The following JAZF1 variants were observed in gnomAD, a reference collection of about 807,000 sequenced individuals.
The protein encoded by JAZF1 is juxtaposed with another zinc finger protein 1.
In JAZF1, 8 loss-of-function variants were observed where a neutral mutation model predicts 26.4. The ratio of observed to expected loss-of-function variants is 0.30; its 90% CI spans 0.18 to 0.55. The LOEUF (loss-of-function observed/expected upper bound fraction) is 0.55, where lower values mean the gene tolerates loss of function less well. Among genes scored for constraint, JAZF1 ranks in the 20% least tolerant of loss-of-function variants. The pLI, the probability that JAZF1 is intolerant of heterozygous loss-of-function variation, is 0.94. For missense variants in JAZF1, 199 were observed against 322.0 expected (o/e 0.62, Z 2.92); for synonymous variants, 126 against 122.3 (o/e 1.03, Z -0.20).
chr7:28,038,454 T>C (rs1349130425), intron 1 of JAZF1, among the ~76,000 whole-genome samples: 1 of 152,196 alleles, frequency 6.6e-6, no homozygotes, highest in African/African-American at 2.4e-5. Context: ...GAAGACAAGA[T>C]AAAAATTCTA....
intron 1 of JAZF1, among the ~76,000 whole-genome samples, chr7:28,006,567 A>T (rs1347633667): frequency 6.6e-6 from 1 of 152,224 alleles, no homozygotes; most frequent in East Asian, 1.9e-4. Context: ...CTATGGGTCA[A>T]TACAAAATGA....
intron 2 of JAZF1, among the ~76,000 whole-genome samples, chr7:27,929,445 A>G (rs187535637): frequency 1.8e-4 from 27 of 152,368 alleles, no homozygotes; most frequent in Admixed American, 1.5e-3. Context: ...GGAATCTTCA[A>G]TGAAAACCTT....
rs1017168596 is a variant in JAZF1, at chr7:28,151,319, G to A, written c.115+29144C>T. Among the ~76,000 whole-genome samples, 4 of 151,684 alleles carry A rather than the reference G, an allele frequency of 2.6e-5. No individual in the cohort carries two copies. In the South Asian group the frequency reaches 6.3e-4, roughly 24 times the overall value. On this transcript the variant is annotated intron_variant, in intron 1 of 4. Transcript: ENST00000283928. ...AAGGTTTCACCATGTTGCCCAGGCT[G>A]GTCTTAAACTCCTGACCACAAGTGA...
chr7:28,148,255 G>C (rs1483002041), intron 1 of JAZF1, among the ~76,000 whole-genome samples: 2 of 152,062 alleles, frequency 1.3e-5, no homozygotes, highest in Admixed American at 6.6e-5. Flanking sequence ...ATTTTTAGTA[G>C]AGACGGAGTT....
chr7:27,874,287 C>T (rs987075083), intron 3 of JAZF1, among the ~76,000 whole-genome samples: 5 of 152,246 alleles, frequency 3.3e-5, no homozygotes, highest in East Asian at 1.9e-4. Context: ...AAGACTGTTA[C>T]GTCCTTAGCA....
chr7:28,174,612 CAT>C (rs1428757992), intron 1 of JAZF1, among the ~76,000 whole-genome samples: 1 of 152,180 alleles, frequency 6.6e-6, no homozygotes, highest in African/African-American at 2.4e-5. Context: ...ATTTCGGTCA[CAT>C]GTCAGAAAAT....
chr7:28,009,174 T>A (rs117621905), intron 1 of JAZF1, among the ~76,000 whole-genome samples: 5 of 151,882 alleles, frequency 3.3e-5, no homozygotes, highest in Admixed American at 1.3e-4. Flanking sequence ...GGATTCAATA[T>A]AATAAAGATA....
At chr7:28,001,217 G>A (rs566289639) in intron 1 of JAZF1, among the ~76,000 whole-genome samples, 1 of 151,912 alleles carries the variant, frequency 6.6e-6, no homozygotes, top group Non-Finnish European at 1.5e-5. Context: ...AGCCAGGCAT[G>A]GTGGCGTGCC....
chr7:28,102,510 C>T (rs991111544), intron 1 of JAZF1, among the ~76,000 whole-genome samples: 9 of 151,540 alleles, frequency 5.9e-5, no homozygotes, highest in Non-Finnish European at 7.4e-5. Context: ...TATCCAGGCA[C>T]TATCTGAGAA....
At chr7:27,861,114 G>A (rs577948834) in intron 3 of JAZF1, among the ~76,000 whole-genome samples, 8 of 152,142 alleles carry the variant, frequency 5.3e-5, no homozygotes, top group African/African-American at 9.7e-5. Flanking sequence ...GTCTGAGGAC[G>A]TCTTCATTCT....
Position 28,101,576 on chromosome 7 carries a change from TAA to T in JAZF1, c.115+78885_115+78886del, listed in dbSNP as rs56321937. 5.0e-4 allele frequency among the ~76,000 whole-genome samples: 49 copies of T among 97,988 alleles called. 3 individuals carry two copies. The highest frequency in any genetic ancestry group is 1.2e-3 in the South Asian group (3 of 2,562). 64.3% of individuals were successfully genotyped at this position (97,988 alleles called of 152,430 possible). A position where few individuals can be genotyped will look rare whatever the true frequency, so the allele number is the denominator to read the frequency against. On this transcript the variant is annotated intron_variant, in intron 1 of 4. Transcript: ENST00000283928. Reference sequence around the variant, plus strand: ...AGCATAATGAGACTCATTTCTATATTAAAAAAAAAAAAAAAAAAAAAGCCTGG... The same window carrying T: ...AGCATAATGAGACTCATTTCTATATTAAAAAAAAAAAAAAAAAAAGCCTGG...
chr7:27,882,920 T>C (rs957288457), intron 3 of JAZF1, among the ~76,000 whole-genome samples: 2 of 152,180 alleles, frequency 1.3e-5, no homozygotes, highest in Middle Eastern at 3.2e-3. Flanking sequence ...CTACATCACC[T>C]TCACAAGGGA....
intron 1 of JAZF1, among the ~76,000 whole-genome samples, chr7:28,003,849 T>C (rs1229865401): frequency 1.3e-5 from 2 of 152,048 alleles, no homozygotes; most frequent in East Asian, 3.9e-4. Flanking sequence ...TAGGACAAGC[T>C]GGGAGTCTAG....
intron 3 of JAZF1, chr7:27,841,121 G>T: frequency 4.8e-6 from 2 of 420,854 alleles, no homozygotes; most frequent in South Asian, 4.2e-5. Flanking sequence ...GGCGGAGCAA[G>T]AACATTAACT....
intron 1 of JAZF1, among the ~76,000 whole-genome samples, chr7:28,049,493 A>C (rs983345127): frequency 6.6e-6 from 1 of 152,162 alleles, no homozygotes; most frequent in Non-Finnish European, 1.5e-5. Flanking sequence ...GCAAAAACCA[A>C]CTGGTGTCCT....
Position 27,840,566 on chromosome 7 carries a change from C to T in JAZF1, c.555+132G>A. 1.1e-6 allele frequency: 1 copy of T among 950,870 alleles called. No homozygotes were observed. The highest frequency in any genetic ancestry group is 1.6e-6 in the Non-Finnish European group (1 of 619,336). The allele number at this position is 950,870 out of a possible 1,614,324, so 58.9% of individuals were successfully genotyped here. On this transcript the variant is annotated intron_variant, in intron 4 of 4. Coordinates refer to ENST00000283928, the MANE Select transcript of JAZF1 (RefSeq NM_175061.4). This position sits in a 1 kb window ranked among gnomAD's most constrained non-coding sequence, Gnocchi z 5.1. ...TGCACACAGGGGTGAGGCCCACGCA[C>T]TCTAATGCAGGAGAGGGGAGTGTCT...
chr7:28,118,750 T>C (rs1412915694), intron 1 of JAZF1, among the ~76,000 whole-genome samples: 1 of 139,458 alleles, frequency 7.2e-6, no homozygotes, highest in African/African-American at 2.8e-5. Context: ...GATCTATTTC[T>C]AAGAGAGTTT....
chr7:27,899,997 G>A (rs1045468820), intron 2 of JAZF1, among the ~76,000 whole-genome samples: 5 of 152,196 alleles, frequency 3.3e-5, no homozygotes, highest in African/African-American at 4.8e-5. Flanking sequence ...GCAGCTGGGA[G>A]AACAAAAGGC....
chr7:28,132,845 C>T (rs1229444507), intron 1 of JAZF1, among the ~76,000 whole-genome samples: 2 of 152,130 alleles, frequency 1.3e-5, no homozygotes, highest in Non-Finnish European at 2.9e-5. Flanking sequence ...CACTGCCCCC[C>T]ACCCCTACCC....
Sources: gnomAD v4.1 joint callset for allele counts (sites outside exome capture counted in the v4.1 genomes callset) on GRCh38, gnomAD v4.1.1 for gene constraint, Gnocchi (gnomAD v3.1) non-coding constraint, MANE v1.5 for transcripts, NCBI Gene and HGNC (gene_info 2026-07-23, HGNC 2026-07-21) for gene names.